The following EPB41L2 variants were observed in gnomAD, a reference collection of about 807,000 sequenced individuals.
EPB41L2 encodes the protein band 4.1-like protein 2.
In EPB41L2, 43 loss-of-function variants were observed where a neutral mutation model predicts 113.0. That is an observed-to-expected ratio of 0.38 (90% CI 0.30 to 0.49). EPB41L2 has a LOEUF of 0.49. Among genes scored for constraint, EPB41L2 ranks in the 20% least tolerant of loss-of-function variants. The pLI is 0.95. For synonymous variants in EPB41L2, 442 were observed against 436.7 expected, an observed-to-expected ratio of 1.01 and a Z score of -0.15; for missense variants, 1,147 against 1,223.4, an observed-to-expected ratio of 0.94 and a Z score of 0.93.
intron 6 of EPB41L2, 115 bp from the exon 7 acceptor site, chr6:130,901,295 C>G: frequency 1.2e-6 from 1 of 817,392 alleles, no homozygotes; most frequent in Non-Finnish European, 1.9e-6. Flanking sequence ...TATAGGCACT[C>G]TTCATATAAA....
chr6:130,967,987 A>C (rs1022163434), intron 1 of EPB41L2, among the ~76,000 whole-genome samples: 2 of 152,210 alleles, frequency 1.3e-5, no homozygotes, highest in African/African-American at 4.8e-5. Context: ...ACAAACTCCC[A>C]TGATCATGAC....
intron 19 of EPB41L2, among the ~76,000 whole-genome samples, chr6:130,843,265 T>C (rs1415027696): frequency 6.6e-6 from 1 of 152,198 alleles, no homozygotes; most frequent in East Asian, 1.9e-4. Context: ...ATACTGTACT[T>C]TTCTGTCCTC....
At chr6:130,889,257 T>C (rs929121724) in intron 11 of EPB41L2, among the ~76,000 whole-genome samples, 5 of 151,908 alleles carry the variant, frequency 3.3e-5, no homozygotes, top group Non-Finnish European at 5.9e-5. Context: ...TCATTTTCTA[T>C]TACAAAGAAA....
chr6:130,987,411 G>T (rs2327006), intron 1 of EPB41L2, among the ~76,000 whole-genome samples: 22,504 of 152,160 alleles, frequency 0.15, 1,877 homozygotes, highest in African/African-American at 0.2. Flanking sequence ...TTGTTCTGAG[G>T]GTCAAGCGTG....
In EPB41L2 at chr6:130,900,962, C is replaced by T; in HGVS notation, c.1148G>A (p.Arg383Lys). 6.2e-7 allele frequency: 1 copy of T among 1,614,036 alleles called. No homozygotes were observed. Among genetic ancestry groups the T allele is most frequent in the Non-Finnish European group, 8.5e-7 (1 of 1,179,954 alleles). ...CTCTCCAGTAAGCAAGGCAACAGAC[C>T]TGTGGGTTTTGTGCAGCTCTGCCAC... ...EKVAELHKTH[R>K]GLSPAQADSQ... is the part of the protein sequence containing the mutation. Residue 383 changes from arginine to lysine, a missense_variant and splice_region_variant, in exon 7 of 20, where the codon AGG (arginine) becomes AAG (lysine). Transcript: ENST00000337057.
At chr6:130,842,147 T>C (rs886390907) in intron 19 of EPB41L2, among the ~76,000 whole-genome samples, 2 of 152,222 alleles carry the variant, frequency 1.3e-5, no homozygotes, top group African/African-American at 4.8e-5. Context: ...TGAAAAAAGT[T>C]CCTACCATTT....
chr6:130,848,197 TCTCACACA>T (rs1414268045), intron 19 of EPB41L2, among the ~76,000 whole-genome samples: 1,709 of 127,716 alleles, frequency 0.013, 16 homozygotes, highest in African/African-American at 0.03. Context: ...TCTCTCTCTC[TCTCACACA>T]CACACACACA....
chr6:130,890,425 G>A lies in EPB41L2; in HGVS notation c.1529C>T (p.Thr510Ile). 3.1e-6 allele frequency: 5 copies of A among 1,612,670 alleles called. No homozygotes were observed. The highest frequency in any genetic ancestry group is 4.2e-6 in the Non-Finnish European group (5 of 1,179,746). Reference sequence around the variant, plus strand: ...ACTATAGCGAAATTTGGACCCCAAGGTCAGGAACTTGGCTTTTGGTGGCTG... The same window carrying A: ...ACTATAGCGAAATTTGGACCCCAAGATCAGGAACTTGGCTTTTGGTGGCTG... ...PEQPPKAKFL[T>I]LGSKFRYSGR... is the part of the protein sequence containing the mutation. Residue 510 changes from threonine (T) to isoleucine (I), a missense_variant, in exon 11 of 20, where the codon ACC becomes ATC. By Grantham distance (89) the Thr-to-Ile change is moderately conservative. Coordinates refer to ENST00000337057, the MANE Select transcript of EPB41L2 (RefSeq NM_001431.4).
At chr6:130,950,198 T>C (rs891460490) in intron 3 of EPB41L2, among the ~76,000 whole-genome samples, 1 of 151,972 alleles carries the variant, frequency 6.6e-6, no homozygotes, top group African/African-American at 2.4e-5. Context: ...GTTAAGAAAT[T>C]AGAAAAAGCA....
intron 12 of EPB41L2, among the ~76,000 whole-genome samples, chr6:130,883,369 T>C: frequency 6.6e-6 from 1 of 152,348 alleles, no homozygotes. Flanking sequence ...AAGACTAGAC[T>C]ACTTGTGTCA....
At chr6:131,005,062 T>C (rs1021470360) in intron 1 of EPB41L2, among the ~76,000 whole-genome samples, 2 of 152,122 alleles carry the variant, frequency 1.3e-5, no homozygotes, top group Admixed American at 6.5e-5. Context: ...AAAAACACAC[T>C]CAGACGTCAA....
At chr6:130,963,029 C>A (rs913362660) in intron 1 of EPB41L2, among the ~76,000 whole-genome samples, 1 of 152,152 alleles carries the variant, frequency 6.6e-6, no homozygotes, top group African/African-American at 2.4e-5. Context: ...CATCTTGAAT[C>A]CACAGAGAAG....
At chr6:130,924,193 A>G (rs1803841253) in intron 4 of EPB41L2, among the ~76,000 whole-genome samples, 2 of 152,190 alleles carry the variant, frequency 1.3e-5, no homozygotes, top group African/African-American at 2.4e-5. Context: ...TGATATGTAC[A>G]TACATATTCC....
In EPB41L2 at chr6:131,061,601, A is replaced by G. The variant is rs149769078; in HGVS notation, c.-15+1554T>C. Among the ~76,000 whole-genome samples the G allele has an allele frequency of 3.9e-5, 6 of 152,292 alleles. No individual in the cohort carries two copies. In the East Asian group the frequency reaches 1.2e-3, roughly 29 times the overall value. Reference sequence around the variant, plus strand: ...TCACAGCAATGAGCCTGCAAAGGGAAACTGAATAGGATTAAGCACTATTCG... The same window carrying G: ...TCACAGCAATGAGCCTGCAAAGGGAGACTGAATAGGATTAAGCACTATTCG... On this transcript the variant is annotated intron_variant, in intron 1 of 19. Transcript: ENST00000337057.
chr6:131,016,764 C>G (rs1788320978), intron 1 of EPB41L2, among the ~76,000 whole-genome samples: 1 of 151,326 alleles, frequency 6.6e-6, no homozygotes, highest in Non-Finnish European at 1.5e-5. Context: ...GAGCTGAGAT[C>G]ATGCCACTGA....
chr6:130,842,795 C>T (rs546985472), intron 19 of EPB41L2, among the ~76,000 whole-genome samples: 1 of 152,160 alleles, frequency 6.6e-6, no homozygotes, highest in Non-Finnish European at 1.5e-5. Flanking sequence ...AAAACTTCAA[C>T]ATTTACTGAG....
intron 19 of EPB41L2, among the ~76,000 whole-genome samples, chr6:130,850,325 T>C (rs1049807101): frequency 1.3e-5 from 2 of 152,116 alleles, no homozygotes; most frequent in African/African-American, 4.8e-5. Flanking sequence ...GAGATCAACA[T>C]ACAAAAATGT....
At chr6:131,053,500 C>T (rs1458638794) in intron 1 of EPB41L2, among the ~76,000 whole-genome samples, 1 of 151,554 alleles carries the variant, frequency 6.6e-6, no homozygotes, top group East Asian at 1.9e-4. Flanking sequence ...GAAAAGCTCC[C>T]TGCTTCTAGT....
intron 1 of EPB41L2, among the ~76,000 whole-genome samples, chr6:131,044,367 ATGGAAG>A (rs1795029575): frequency 6.6e-6 from 1 of 152,166 alleles, no homozygotes; most frequent in Non-Finnish European, 1.5e-5. Flanking sequence ...AATAATGGAA[ATGGAAG>A]TAAGTTAATA....
Sources: allele counts gnomAD v4.1 joint callset (sites outside exome capture counted in the v4.1 genomes callset), GRCh38; gene constraint gnomAD v4.1.1; transcripts MANE v1.5; gene names NCBI Gene and HGNC (gene_info 2026-07-23, HGNC 2026-07-21).